TCF7L1: variants seen among roughly 807,000 people sequenced by gnomAD.
TCF7L1 encodes transcription factor 7 like 1.
A neutral mutation model predicts 63.7 loss-of-function variants in TCF7L1; 18 were observed. That is an observed-to-expected ratio of 0.28 (90% CI 0.20 to 0.42). The LOEUF (loss-of-function observed/expected upper bound fraction) is 0.42, where lower values mean the gene tolerates loss of function less well. Ranked by LOEUF, TCF7L1 falls within the 10% of genes least tolerant of loss-of-function variation. The pLI is 1.00. For synonymous variants in TCF7L1, 355 were observed against 340.9 expected (o/e 1.04, Z -0.46); for missense variants, 654 against 779.3 (o/e 0.84, Z 1.91).
intron 3 of TCF7L1, among the ~76,000 whole-genome samples, chr2:85,185,960 ATTT>A (rs67142055): frequency 2.1e-5 from 2 of 94,626 alleles, no homozygotes; most frequent in African/African-American, 4.5e-5. Flanking sequence ...AACACAGGGG[ATTT>A]TTTTTTTTTT....
chr2:85,249,395 G>C (rs1296452307), intron 3 of TCF7L1, among the ~76,000 whole-genome samples: 1 of 152,170 alleles, frequency 6.6e-6, no homozygotes, highest in African/African-American at 2.4e-5. Context: ...TTACAGGCTG[G>C]GTTTTCCCTA....
At chr2:85,281,994 T>A (rs1443370550) in intron 3 of TCF7L1, among the ~76,000 whole-genome samples, 1 of 151,826 alleles carries the variant, frequency 6.6e-6, no homozygotes, top group Non-Finnish European at 1.5e-5. Context: ...GGCTTCTTTT[T>A]TTTTCTTTTT....
intron 3 of TCF7L1, among the ~76,000 whole-genome samples, chr2:85,262,718 AG>A (rs1680886131): frequency 6.6e-6 from 1 of 152,234 alleles, no homozygotes; most frequent in African/African-American, 2.4e-5. Flanking sequence ...GAACTCTGAA[AG>A]CAATTAGAGA....
chr2:85,203,662 G>A (rs768241947), intron 3 of TCF7L1, among the ~76,000 whole-genome samples: 9 of 151,826 alleles, frequency 5.9e-5, no homozygotes, highest in Non-Finnish European at 8.8e-5. Context: ...CCAGGAGGTC[G>A]AGGCTGCAGT....
At chr2:85,208,967 T>C (rs1013510205) in intron 3 of TCF7L1, among the ~76,000 whole-genome samples, 1 of 152,204 alleles carries the variant, frequency 6.6e-6, no homozygotes, top group Non-Finnish European at 1.5e-5. Flanking sequence ...TCTGCATCTG[T>C]TGTAGGATTT....
intron 3 of TCF7L1, among the ~76,000 whole-genome samples, chr2:85,246,527 T>G (rs1266238716): frequency 1.3e-5 from 2 of 152,178 alleles, no homozygotes; most frequent in Non-Finnish European, 2.9e-5. Context: ...GTATAATCAC[T>G]CCTATTTAAT....
At chr2:85,144,751 A>T (rs6547594) in intron 3 of TCF7L1, among the ~76,000 whole-genome samples, 28 of 141,494 alleles carry the variant, frequency 2.0e-4, no homozygotes, top group South Asian at 2.2e-4. Context: ...GTGTGTGTGT[A>T]TGTGTGTGTG....
At chr2:85,308,364 T>TCCCCCTCCCTCCCTCC (rs1682170053) in intron 11 of TCF7L1, among the ~76,000 whole-genome samples, 1 of 144,440 alleles carries the variant, frequency 6.9e-6, no homozygotes, top group Admixed American at 6.8e-5. Flanking sequence ...TCCCTCCCTT[T>TCCCCCTCCCTCCCTCC]CTTCCTCCCT....
intron 3 of TCF7L1, among the ~76,000 whole-genome samples, chr2:85,163,622 C>T (rs2104224064): frequency 1.3e-5 from 2 of 152,308 alleles, no homozygotes; most frequent in Non-Finnish European, 2.9e-5. Flanking sequence ...GCTGCCATAA[C>T]AAAGTACCGC....
chr2:85,154,795 C>T (rs993810828), intron 3 of TCF7L1, among the ~76,000 whole-genome samples: 1 of 152,028 alleles, frequency 6.6e-6, no homozygotes, highest in Non-Finnish European at 1.5e-5. Flanking sequence ...AAGTATTTGC[C>T]GTCCAAGTGA....
intron 3 of TCF7L1, among the ~76,000 whole-genome samples, chr2:85,278,579 G>GT (rs1342382424): frequency 5.9e-5 from 9 of 152,140 alleles, no homozygotes; most frequent in Non-Finnish European, 1.2e-4. Flanking sequence ...GACCATTTTG[G>GT]TAAATGCCGA....
Position 85,202,218 on chromosome 2 carries a change from C to A in TCF7L1, c.441+67768C>A, listed in dbSNP as rs150299921. Among the ~76,000 whole-genome samples the A allele has an allele frequency of 1.8e-3, 273 of 152,206 alleles. 4 individuals are homozygous for A. Among genetic ancestry groups the A allele is most frequent in the African/African-American group, 5.9e-3 (247 of 41,522 alleles). Reference sequence around the variant, plus strand: ...CCTCAAGTGATCTGCCTGCCTTGGACCCCCCAAAGTGCTGGGATTACAGGC... The same window carrying A: ...CCTCAAGTGATCTGCCTGCCTTGGAACCCCCAAAGTGCTGGGATTACAGGC... On this transcript the variant is annotated intron_variant, in intron 3 of 11. Coordinates refer to ENST00000282111, the MANE Select transcript of TCF7L1 (RefSeq NM_031283.3).
intron 4 of TCF7L1, among the ~76,000 whole-genome samples, chr2:85,292,726 A>C (rs762418231): frequency 6.6e-6 from 1 of 152,124 alleles, no homozygotes; most frequent in Non-Finnish European, 1.5e-5. Context: ...ACAGGTGTGC[A>C]CCATCATGCC....
intron 3 of TCF7L1, among the ~76,000 whole-genome samples, chr2:85,206,140 A>T (rs1011379651): frequency 1.3e-5 from 2 of 152,260 alleles, no homozygotes; most frequent in African/African-American, 4.8e-5. Flanking sequence ...GCCAGTGGCC[A>T]TGATGAGAAA....
chr2:85,194,482 C>T (rs1389743314), intron 3 of TCF7L1, among the ~76,000 whole-genome samples: 3 of 152,130 alleles, frequency 2.0e-5, no homozygotes, highest in Non-Finnish European at 4.4e-5. Context: ...GAAACCAAGT[C>T]TGCCAGGAGA....
intron 3 of TCF7L1, among the ~76,000 whole-genome samples, chr2:85,226,668 C>A (rs1327536164): frequency 1.3e-5 from 2 of 152,174 alleles, no homozygotes; most frequent in Non-Finnish European, 2.9e-5. Flanking sequence ...CCCATAATAA[C>A]CACTCACTCC....
intron 3 of TCF7L1, among the ~76,000 whole-genome samples, chr2:85,142,764 A>G (rs1677776628): frequency 6.6e-6 from 1 of 152,230 alleles, no homozygotes. Flanking sequence ...GAAGGGAACC[A>G]TGAGGGGAGT....
chr2:85,243,226 G>A (rs531000628), intron 3 of TCF7L1, among the ~76,000 whole-genome samples: 2 of 152,262 alleles, frequency 1.3e-5, no homozygotes, highest in East Asian at 3.9e-4. Flanking sequence ...GAGGTCCCTT[G>A]CTGTCCCTTT....
intron 3 of TCF7L1, among the ~76,000 whole-genome samples, chr2:85,235,674 C>T (rs777306324): frequency 2.6e-5 from 4 of 152,068 alleles, no homozygotes; most frequent in Non-Finnish European, 5.9e-5. Flanking sequence ...ATCTTAAGGG[C>T]AAGGGCAAAA....
Sources: allele counts gnomAD v4.1 joint callset (sites outside exome capture counted in the v4.1 genomes callset), GRCh38; gene constraint gnomAD v4.1.1; transcripts MANE v1.5; gene names NCBI Gene and HGNC (gene_info 2026-07-23, HGNC 2026-07-21).